Variants in MKLN1 observed in about 807,000 individuals in gnomAD.
MKLN1 encodes muskelin 1.
A neutral mutation model predicts 99.0 loss-of-function variants in MKLN1; 18 were observed. The observed-to-expected ratio is 0.18, with a 90% CI of 0.13 to 0.27. MKLN1 has a LOEUF of 0.27. Among genes scored for constraint, MKLN1 ranks in the 10% least tolerant of loss-of-function variants. The probability of loss-of-function intolerance (pLI) is 1.00; values close to 1 mark genes in which losing one functional copy is unlikely to be tolerated. For synonymous variants in MKLN1, 288 were observed against 293.2 expected, an observed-to-expected ratio of 0.98 and a Z score of 0.18; for missense variants, 621 against 875.9, an observed-to-expected ratio of 0.71 and a Z score of 3.67.
chr7:131,153,978 A>G (rs1409594571), intron 2 of MKLN1, among the ~76,000 whole-genome samples: 3 of 152,018 alleles, frequency 2.0e-5, no homozygotes, highest in African/African-American at 7.2e-5. Flanking sequence ...TAGGATCTTT[A>G]AATATATTTA....
chr7:131,451,828 A>C (rs1263169168), intron 12 of MKLN1, among the ~76,000 whole-genome samples: 1 of 152,224 alleles, frequency 6.6e-6, no homozygotes, highest in Non-Finnish European at 1.5e-5. Context: ...ACACTAATTG[A>C]AACTTATGTG....
At chr7:131,178,925 T>A (rs2116353543) in intron 2 of MKLN1, among the ~76,000 whole-genome samples, 1 of 152,326 alleles carries the variant, frequency 6.6e-6, no homozygotes, top group African/African-American at 2.4e-5. Context: ...ATTCTTTCCA[T>A]TTTATTTTTA....
intron 3 of MKLN1, among the ~76,000 whole-genome samples, chr7:131,322,398 C>T (rs572857211): frequency 3.3e-5 from 5 of 152,068 alleles, no homozygotes; most frequent in East Asian, 3.9e-4. Context: ...TACCTGAGAC[C>T]GGATAATTTA....
intron 1 of MKLN1, among the ~76,000 whole-genome samples, chr7:131,330,746 TTTTC>T (rs1166564768): frequency 2.6e-5 from 4 of 152,318 alleles, no homozygotes; most frequent in Non-Finnish European, 5.9e-5. Context: ...TTTATCTCTA[TTTTC>T]TTTCTAAGGA....
rs991978098 is a variant in MKLN1, at chr7:131,283,290, C to T, written c.-179+80316C>T. 1.7e-4 allele frequency among the ~76,000 whole-genome samples: 26 copies of T among 151,488 alleles called. 1 individual carries two copies. The highest frequency in any genetic ancestry group is 5.3e-4 in the Admixed American group (8 of 15,226). On this transcript the variant is annotated intron_variant, in intron 3 of 7. Transcript: ENST00000416992. Reference sequence around the variant, plus strand: ...TTGCCATGATAAAACCTTCTAGTTACAAGAGAAGGCCCTTCCCTCCCTCCC... The same window carrying T: ...TTGCCATGATAAAACCTTCTAGTTATAAGAGAAGGCCCTTCCCTCCCTCCC...
chr7:131,353,156 T>C (rs537815172), intron 1 of MKLN1, among the ~76,000 whole-genome samples: 3 of 152,282 alleles, frequency 2.0e-5, no homozygotes, highest in Admixed American at 2.0e-4. Context: ...TGCTGGATTG[T>C]AGTGGTTAGT....
chr7:131,143,046 G>A (rs140327291), intron 2 of MKLN1: 7,716 of 713,846 alleles, frequency 0.011, 55 homozygotes, highest in Middle Eastern at 0.019. Flanking sequence ...TTCATCAGAA[G>A]ATGTGACTGG....
chr7:131,153,671 T>TTG (rs1034395333), intron 2 of MKLN1, among the ~76,000 whole-genome samples: 4 of 148,240 alleles, frequency 2.7e-5, no homozygotes, highest in Non-Finnish European at 6.0e-5. Context: ...TTGGTTTTTT[T>TTG]TTTTTTTTTG....
intron 2 of MKLN1, among the ~76,000 whole-genome samples, chr7:131,386,867 C>G (rs1794043330): frequency 6.6e-6 from 1 of 152,042 alleles, no homozygotes; most frequent in Non-Finnish European, 1.5e-5. Context: ...CTCACTAGTT[C>G]TTTTTTTCCT....
chr7:131,464,502 TA>T (rs1796605288), intron 14 of MKLN1, 94 bp downstream of exon 14: 2 of 656,248 alleles, frequency 3.0e-6, no homozygotes, highest in Non-Finnish European at 5.2e-6. Context: ...TGGATTTGAG[TA>T]AAAAGTTAAA....
chr7:131,271,894 AG>A (rs1205732867), intron 3 of MKLN1, among the ~76,000 whole-genome samples: 2 of 144,188 alleles, frequency 1.4e-5, no homozygotes, highest in Non-Finnish European at 3.0e-5. Context: ...AGGCAACAAA[AG>A]CGAAACTCTG....
At position 131,437,740 on chromosome 7, in the gene MKLN1, TGC is replaced by T; in HGVS notation, c.961-44_961-43del. ...TATTATTTGTTCTTTGATTTTTTTT[TGC>T]TCTTTATTTGTTTATTTATTTATTT... On this transcript the variant is annotated intron_variant, in intron 9 of 17. Coordinates refer to ENST00000352689, the MANE Select transcript of MKLN1 (RefSeq NM_013255.5). 3.7e-6 allele frequency: 5 copies of T among 1,363,968 alleles called. No homozygotes were observed. The Admixed American group carries it at 1.0e-4, about 27-fold the overall frequency. 84.5% of individuals were successfully genotyped at this position (1,363,968 alleles called of 1,614,324 possible). A position where few individuals can be genotyped will look rare whatever the true frequency, so the allele number is the denominator to read the frequency against.
chr7:131,160,149 A>G (rs1024363084), intron 2 of MKLN1, among the ~76,000 whole-genome samples: 1 of 152,200 alleles, frequency 6.6e-6, no homozygotes, highest in African/African-American at 2.4e-5. Flanking sequence ...TAATGTAAAT[A>G]TTCATATAAA....
chr7:131,441,794 T>C (rs968972935), intron 10 of MKLN1, among the ~76,000 whole-genome samples: 1 of 152,002 alleles, frequency 6.6e-6, no homozygotes, highest in African/African-American at 2.4e-5. Context: ...AGTAGAAAGG[T>C]AGGGGGTTGG....
chr7:131,344,950 C>T (rs1351422572), intron 1 of MKLN1, among the ~76,000 whole-genome samples: 1 of 152,048 alleles, frequency 6.6e-6, no homozygotes, highest in Non-Finnish European at 1.5e-5. Flanking sequence ...TACAGGCACG[C>T]ACCACTGCGC....
At chr7:131,117,178 T>C (rs968035860) in intron 1 of MKLN1, among the ~76,000 whole-genome samples, 1 of 152,044 alleles carries the variant, frequency 6.6e-6, no homozygotes, top group African/African-American at 2.4e-5. Flanking sequence ...AGGCCTGTAA[T>C]CCCAGCACTT....
intron 2 of MKLN1, among the ~76,000 whole-genome samples, chr7:131,192,242 T>C (rs1312958076): frequency 1.1e-5 from 1 of 90,310 alleles, no homozygotes; most frequent in African/African-American, 4.9e-5. Context: ...TATATAAATA[T>C]ATAAAATATA....
At chr7:131,380,895 T>C (rs1793827805) in intron 2 of MKLN1, among the ~76,000 whole-genome samples, 1 of 152,190 alleles carries the variant, frequency 6.6e-6, no homozygotes, top group Non-Finnish European at 1.5e-5. Context: ...AGTAGTTATG[T>C]CCTATAAAGT....
At chr7:131,486,248 T>C (rs1455799834) in intron 17 of MKLN1, among the ~76,000 whole-genome samples, 6 of 119,974 alleles carry the variant, frequency 5.0e-5, no homozygotes, top group Non-Finnish European at 9.0e-5. Flanking sequence ...AAGAAGCAAT[T>C]TGGAAATTTC....
Sources: allele counts gnomAD v4.1 joint callset (sites outside exome capture counted in the v4.1 genomes callset), GRCh38; gene constraint gnomAD v4.1.1; transcripts MANE v1.5; gene names NCBI Gene and HGNC (gene_info 2026-07-23, HGNC 2026-07-21).